IL12RB1: variants seen among roughly 807,000 people sequenced by gnomAD.
IL12RB1 encodes the protein interleukin-12 receptor subunit beta-1.
A neutral mutation model predicts 94.4 loss-of-function variants in IL12RB1; 64 were observed. That is an observed-to-expected ratio of 0.68 (90% CI 0.55 to 0.83). The LOEUF (loss-of-function observed/expected upper bound fraction) is 0.83. Among genes scored for constraint, IL12RB1 ranks in the 40% least tolerant of loss-of-function variants. The probability of loss-of-function intolerance (pLI) is 0.00; values close to 1 mark genes in which losing one functional copy is unlikely to be tolerated. For synonymous variants in IL12RB1, 362 were observed against 355.5 expected (o/e 1.02, Z -0.21); for missense variants, 814 against 855.6 (o/e 0.95, Z 0.61).
chr19:18,092,612 G>A (rs535469241), intron 1 of IL12RB1, among the ~76,000 whole-genome samples: 24 of 151,580 alleles, frequency 1.6e-4, no homozygotes, highest in Non-Finnish European at 2.8e-4. Flanking sequence ...GGAGGTTGCA[G>A]TGAGCTGAGA....
At chr19:18,079,423 C>T (rs1207208454) in intron 4 of IL12RB1, among the ~76,000 whole-genome samples, 1 of 151,878 alleles carries the variant, frequency 6.6e-6, no homozygotes, top group Non-Finnish European at 1.5e-5. Flanking sequence ...ATTCTTTTAG[C>T]AAATTTTCAA....
At chr19:18,097,694 C>A in intron 1 of IL12RB1, 2 of 749,398 alleles carry the variant, frequency 2.7e-6, no homozygotes, top group East Asian at 4.3e-5. Flanking sequence ...CGGGGCCAGG[C>A]CGTGTCAGCT....
chr19:18,061,090 A>C, intron 15 of IL12RB1, 32 bp downstream of exon 15: 1 of 1,189,744 alleles, frequency 8.4e-7, no homozygotes, highest in South Asian at 1.3e-5. Context: ...GCACCCAATA[A>C]AAAGACTTGG....
intron 10 of IL12RB1, 42 bp downstream of exon 10, chr19:18,069,504 G>GT (rs1168193115): frequency 1.9e-6 from 3 of 1,545,952 alleles, no homozygotes; most frequent in Non-Finnish European, 1.7e-6. Flanking sequence ...TAAAAGGGAG[G>GT]GCACAGAGGA....
intron 1 of IL12RB1, among the ~76,000 whole-genome samples, chr19:18,097,160 G>A (rs911205746): frequency 6.6e-6 from 1 of 151,902 alleles, no homozygotes; most frequent in African/African-American, 2.4e-5. Context: ...TGTGTGTACT[G>A]GGCACATTTT....
Position 18,073,577 on chromosome 19 carries a change from C to T in IL12RB1, c.723G>A (p.Val241=). The change falls in exon 8 of 17, where the codon GTG becomes GTA. Residue 241 remains valine, a synonymous_variant. Coordinates refer to ENST00000593993, the MANE Select transcript of IL12RB1 (RefSeq NM_005535.3). ...VPPENPPQPQ[V]RFSVEQLGQD... ...GGCCCAGCTGCTCCACCGAGAATCT[C>T]ACCTGAGGCTGTGGGGGGTTTTCTG... is the stretch of plus-strand genomic sequence containing the variant. 3 of 1,612,652 alleles carry T rather than the reference C, an allele frequency of 1.9e-6. No homozygotes were observed. Among genetic ancestry groups the T allele is most frequent in the Non-Finnish European group, 2.5e-6 (3 of 1,178,756 alleles).
At chr19:18,098,444 A>T (rs1347190964) in intron 1 of IL12RB1, among the ~76,000 whole-genome samples, 2 of 152,026 alleles carry the variant, frequency 1.3e-5, no homozygotes, top group Non-Finnish European at 2.9e-5. Flanking sequence ...GGGGGAGGGC[A>T]CCCTTGCTTC....
At position 18,076,334 on chromosome 19, in the gene IL12RB1, T is replaced by C. The variant is rs757429368; in HGVS notation, c.550-7A>G. The stretch of plus-strand genomic sequence containing the variant: ...CCTGAGGTCCGCAGTCGCCCTAGAA[T>C]AAAAACATATTCATATATTGTTTTG... On this transcript the variant is annotated splice_polypyrimidine_tract_variant and splice_region_variant and intron_variant, in intron 5 of 16. Coordinates refer to ENST00000593993, the MANE Select transcript of IL12RB1 (RefSeq NM_005535.3). The C allele has an allele frequency of 2.2e-6, 3 of 1,351,454 alleles. No homozygotes were observed. The highest frequency in any genetic ancestry group is 2.1e-6 in the Non-Finnish European group (2 of 940,148). 83.7% of individuals were successfully genotyped at this position (1,351,454 alleles called of 1,614,324 possible). A position where few individuals can be genotyped will look rare whatever the true frequency, so the allele number is the denominator to read the frequency against.
upstream of IL12RB1, among the ~76,000 whole-genome samples, chr19:18,091,094 G>A (rs2036605301): frequency 6.6e-6 from 1 of 152,120 alleles, no homozygotes; most frequent in Non-Finnish European, 1.5e-5. Flanking sequence ...AGGGCGGTAG[G>A]GAGCCATGGC....
chr19:18,083,181 C>T (rs1747580653), intron 2 of IL12RB1: 1 of 600,748 alleles, frequency 1.7e-6, no homozygotes, highest in South Asian at 1.9e-5. Flanking sequence ...ACCGACCAAT[C>T]TGAACGGACA....
chr19:18,073,349 C>T (rs1157222607), intron 8 of IL12RB1, among the ~76,000 whole-genome samples, 168 bp downstream of exon 8: 1 of 152,118 alleles, frequency 6.6e-6, no homozygotes, highest in Admixed American at 6.6e-5. Context: ...CTCACACACA[C>T]ACTCCATGGC....
intron 1 of IL12RB1, chr19:18,097,932 A>G: frequency 1.1e-6 from 1 of 946,524 alleles, no homozygotes; most frequent in East Asian, 3.4e-5. Flanking sequence ...GCTGTAGGGA[A>G]ACTGAGGCAG....
intron 11 of IL12RB1, among the ~76,000 whole-genome samples, chr19:18,067,197 G>C (rs970164778): frequency 2.0e-5 from 3 of 149,966 alleles, no homozygotes; most frequent in African/African-American, 7.4e-5. Context: ...GATGGTGGGC[G>C]CCTGTAATCC....
upstream of IL12RB1, among the ~76,000 whole-genome samples, chr19:18,088,977 G>A (rs2036512014): frequency 6.7e-6 from 1 of 150,342 alleles, no homozygotes; most frequent in African/African-American, 2.5e-5. Flanking sequence ...GTTGCAGTGA[G>A]CTGAGATCGT....
Position 18,072,285 on chromosome 19 carries a change from C to T in IL12RB1, c.848G>A (p.Arg283Gln), listed in dbSNP as rs117511121. The change falls in exon 9 of 17, where the codon CGA becomes CAA. Residue 283 changes from arginine (R) to glutamine (Q), a missense_variant. Physicochemically the swap from Arg to Gln is conservative, Grantham distance 43 (BLOSUM62 1). Coordinates refer to ENST00000593993, the MANE Select transcript of IL12RB1 (RefSeq NM_005535.3). ...GLAPGTEVTY[R>Q]LQLHMLSCPC... ...GCAGGACAGCATGTGGAGCTGTAGT[C>T]GGTAAGTGACCTCCGTGCCAGGCGC... The T allele has an allele frequency of 8.6e-3, 13,905 of 1,613,976 alleles. 79 individuals carry two copies. Among genetic ancestry groups the T allele is most frequent in the Non-Finnish European group, 0.01 (12,007 of 1,179,964 alleles).
At chr19:18,070,090 A>G (rs1391405174) in intron 9 of IL12RB1, among the ~76,000 whole-genome samples, 2 of 151,836 alleles carry the variant, frequency 1.3e-5, no homozygotes, top group African/African-American at 4.8e-5. Context: ...CTAATTTATT[A>G]TTATTTTTTG....
At chr19:18,075,685 C>A in intron 7 of IL12RB1, 64 bp downstream of exon 7, 1 of 1,449,780 alleles carries the variant, frequency 6.9e-7, no homozygotes, top group Non-Finnish European at 9.7e-7. Flanking sequence ...GTGTGCACCA[C>A]CACCTCCGGC....
intron 5 of IL12RB1, 152 bp downstream of exon 5, chr19:18,077,364 A>G (rs1160985808): frequency 3.3e-5 from 12 of 366,580 alleles, no homozygotes; most frequent in African/African-American, 1.5e-4. Context: ...TCCGTCTCAG[A>G]AAAAAAAAAA....
intron 16 of IL12RB1, 57 bp from the exon 17 acceptor site, chr19:18,059,670 G>C: frequency 1.3e-6 from 1 of 779,474 alleles, no homozygotes; most frequent in South Asian, 1.3e-5. Context: ...GATTTGGTAG[G>C]GAATCATGTG....
Sources: gnomAD v4.1 joint callset for allele counts (sites outside exome capture counted in the v4.1 genomes callset) on GRCh38, gnomAD v4.1.1 for gene constraint, MANE v1.5 for transcripts, NCBI Gene and HGNC (gene_info 2026-07-23, HGNC 2026-07-21) for gene names.